CSMD3: variants seen among roughly 807,000 people sequenced by gnomAD.
CSMD3 encodes the protein CUB and sushi domain-containing protein 3.
A neutral mutation model predicts 435.2 loss-of-function variants in CSMD3; 177 were observed. The observed-to-expected ratio is 0.41, with a 90% CI of 0.36 to 0.46. CSMD3 has a LOEUF of 0.46. Among genes scored for constraint, CSMD3 ranks in the 20% least tolerant of loss-of-function variants. CSMD3 has a pLI of 0.34. For missense variants in CSMD3, 4,265 were observed against 4,504.6 expected (o/e 0.95, Z 1.52); for synonymous variants, 1,656 against 1,520.5 (o/e 1.09, Z -2.07).
At chr8:112,391,564 C>A (rs567415746) in intron 35 of CSMD3, among the ~76,000 whole-genome samples, 3 of 152,056 alleles carry the variant, frequency 2.0e-5, no homozygotes, top group African/African-American at 7.2e-5. Flanking sequence ...TGATGGTGGG[C>A]GCCTGTAGTC....
At chr8:112,954,660 G>C (rs781178141) in intron 8 of CSMD3, 24 bp downstream of exon 8, 2 of 1,487,246 alleles carry the variant, frequency 1.3e-6, no homozygotes. Context: ...ACTAGAGAAA[G>C]TAACAAAAAA....
At chr8:113,379,310 A>G (rs2133097214) in intron 1 of CSMD3, among the ~76,000 whole-genome samples, 1 of 152,312 alleles carries the variant, frequency 6.6e-6, no homozygotes, top group African/African-American at 2.4e-5. Context: ...ACACACACAC[A>G]TTCTGAGTAT....
At chr8:112,316,184 A>G (rs1479150143) in intron 47 of CSMD3, among the ~76,000 whole-genome samples, 2 of 151,824 alleles carry the variant, frequency 1.3e-5, no homozygotes, top group Non-Finnish European at 3.0e-5. Flanking sequence ...AGAGTTTAAA[A>G]TATAGTATAG....
chr8:113,345,511 A>C (rs2094145958), intron 1 of CSMD3, among the ~76,000 whole-genome samples: 2 of 152,140 alleles, frequency 1.3e-5, no homozygotes, highest in Admixed American at 6.6e-5. Flanking sequence ...ATTTAGCAGA[A>C]GTTCTGATAT....
At chr8:113,408,289 A>T (rs577056430) in intron 1 of CSMD3, among the ~76,000 whole-genome samples, 2 of 152,210 alleles carry the variant, frequency 1.3e-5, no homozygotes, top group African/African-American at 4.8e-5. Flanking sequence ...AGTTACAGAC[A>T]ATCATAATGA....
At chr8:113,395,334 G>T (rs1185344210) in intron 1 of CSMD3, among the ~76,000 whole-genome samples, 2 of 152,042 alleles carry the variant, frequency 1.3e-5, no homozygotes, top group Non-Finnish European at 2.9e-5. Context: ...AAGGCCGGAC[G>T]CGGTGGCTCA....
At chr8:112,511,194 T>C (rs1410167709) in intron 28 of CSMD3, among the ~76,000 whole-genome samples, 3 of 152,036 alleles carry the variant, frequency 2.0e-5, no homozygotes, top group Admixed American at 6.6e-5. Context: ...CATAACAGCA[T>C]TGTGTCTAAA....
chr8:112,441,478 G>T (rs1260027343), intron 32 of CSMD3, among the ~76,000 whole-genome samples: 1 of 152,072 alleles, frequency 6.6e-6, no homozygotes, highest in African/African-American at 2.4e-5. Flanking sequence ...TTGTTATCCA[G>T]TTCCAAAGTC....
intron 16 of CSMD3, among the ~76,000 whole-genome samples, chr8:112,669,004 C>T (rs1586930754): frequency 6.6e-6 from 1 of 151,424 alleles, no homozygotes; most frequent in African/African-American, 2.4e-5. Flanking sequence ...GGAACAGAAA[C>T]CTAAAAATAT....
intron 5 of CSMD3, among the ~76,000 whole-genome samples, chr8:113,038,850 C>T (rs916498097): frequency 5.3e-5 from 8 of 152,108 alleles, no homozygotes; most frequent in African/African-American, 1.9e-4. Context: ...CGGTTATAGT[C>T]AGAAAATGAA....
intron 3 of CSMD3, among the ~76,000 whole-genome samples, chr8:113,200,530 T>C (rs1023700669): frequency 1.3e-5 from 2 of 151,822 alleles, no homozygotes; most frequent in Non-Finnish European, 2.9e-5. Context: ...GTGCACACTA[T>C]ACTACAGCTA....
rs189497352 is a variant in CSMD3 at position 112,526,363 on chromosome 8, C to T, written c.4565-9138G>A. ...GAACATGGTACTGGCATACTATGTTCTTTTATTTATTTTTTGAATCAGCTT... is the reference window on the plus strand; with the variant it reads ...GAACATGGTACTGGCATACTATGTTTTTTTATTTATTTTTTGAATCAGCTT... On this transcript the variant is annotated intron_variant, in intron 27 of 70. Transcript: ENST00000297405. 1.5e-4 allele frequency among the ~76,000 whole-genome samples: 23 copies of T among 151,930 alleles called. No individual in the cohort carries two copies. In the East Asian group the frequency reaches 4.3e-3, roughly 28 times the overall value.
intron 3 of CSMD3, among the ~76,000 whole-genome samples, chr8:113,257,724 T>C (rs902010629): frequency 4.6e-5 from 7 of 152,204 alleles, no homozygotes; most frequent in African/African-American, 1.7e-4. Context: ...CTTTCTGCAA[T>C]GAGTCAGCTA....
intron 57 of CSMD3, 117 bp downstream of exon 57, chr8:112,289,248 A>G (rs1819524924): frequency 1.1e-6 from 1 of 918,244 alleles, no homozygotes; most frequent in Non-Finnish European, 1.8e-6. Flanking sequence ...TTCTTATGAG[A>G]TTTTTCAGAG....
At chr8:113,287,230 T>C (rs1205876760) in intron 2 of CSMD3, among the ~76,000 whole-genome samples, 2 of 152,066 alleles carry the variant, frequency 1.3e-5, no homozygotes, top group Non-Finnish European at 2.9e-5. Flanking sequence ...GTAAGACTTT[T>C]GGATATGAAT....
Position 112,244,580 on chromosome 8 carries a change from T to A in CSMD3, c.10223-7A>T. On this transcript the variant is annotated splice_region_variant and splice_polypyrimidine_tract_variant and intron_variant, in intron 64 of 70. Coordinates refer to ENST00000297405, the MANE Select transcript of CSMD3 (RefSeq NM_198123.2). ...GGCTGTTTACAGCTGTGGGCTATAT[T>A]AAGAAAAGAGAACAATGTAAATTTT... 6.2e-7 allele frequency: 1 copy of A among 1,612,724 alleles called. No individual in the cohort carries two copies. Among genetic ancestry groups the A allele is most frequent in the South Asian group, 1.1e-5 (1 of 91,052 alleles).
At chr8:112,939,591 C>T (rs1468334628) in intron 9 of CSMD3, among the ~76,000 whole-genome samples, 1 of 151,944 alleles carries the variant, frequency 6.6e-6, no homozygotes, top group Non-Finnish European at 1.5e-5. Context: ...TTTACAGATG[C>T]AATGACATAC....
At chr8:113,190,411 A>ACTGCAAAT (rs1399950783) in intron 3 of CSMD3, among the ~76,000 whole-genome samples, 1 of 151,818 alleles carries the variant, frequency 6.6e-6, no homozygotes, top group African/African-American at 2.4e-5. Context: ...GGAAACGAGA[A>ACTGCAAAT]CTGCAAATGC....
chr8:112,662,850 C>G (rs187879507), intron 17 of CSMD3, among the ~76,000 whole-genome samples: 20 of 152,110 alleles, frequency 1.3e-4, no homozygotes, highest in Non-Finnish European at 2.5e-4. Flanking sequence ...AACTCCATCA[C>G]AAAGTGGGAA....
Sources: allele counts gnomAD v4.1 joint callset (sites outside exome capture counted in the v4.1 genomes callset), GRCh38; gene constraint gnomAD v4.1.1; transcripts MANE v1.5; gene names NCBI Gene and HGNC (gene_info 2026-07-23, HGNC 2026-07-21).